The following ZFP14 variants were observed in gnomAD, a reference collection of about 807,000 sequenced individuals.
The protein encoded by ZFP14 is zinc finger protein 14 homolog.
ZFP14 carries 22 observed loss-of-function variants against 54.5 expected under a neutral mutation model. The observed-to-expected ratio is 0.40, with a 90% CI of 0.29 to 0.58. The LOEUF is 0.58. ZFP14 is among the 20% of genes least tolerant of loss of function. The pLI is 0.39. For synonymous variants in ZFP14, 159 were observed against 204.0 expected, an observed-to-expected ratio of 0.78 and a Z score of 1.88; for missense variants, 470 against 637.8, an observed-to-expected ratio of 0.74 and a Z score of 2.83.
intron 3 of ZFP14, among the ~76,000 whole-genome samples, chr19:36,361,529 C>G (rs992515712): frequency 2.0e-5 from 3 of 151,196 alleles, no homozygotes; most frequent in African/African-American, 7.3e-5. Flanking sequence ...CATGAGCCAC[C>G]ATGCCTGACC....
At chr19:36,362,924 A>G in intron 2 of ZFP14, 2 of 207,116 alleles carry the variant, frequency 9.7e-6, no homozygotes, top group South Asian at 1.1e-4. Context: ...AAACTTTCAA[A>G]AATTCGTTCG....
rs1341471878 is a variant in ZFP14, at chr19:36,335,452, CTATCTT to C, written c.*4766_*4771del. The stretch of plus-strand genomic sequence containing the variant: ...GTGGTCTAGAATTTGCTTTCAGAAA[CTATCTT>C]CATCTAATTTTTATTAGGATTATTT... On this transcript the variant is annotated 3_prime_UTR_variant, in exon 5 of 5. Transcript: ENST00000270001. 6.6e-6 allele frequency: 1 copy of C among 152,054 alleles called. No homozygotes were observed. The highest frequency in any genetic ancestry group is 1.5e-5 in the Non-Finnish European group (1 of 68,010). 9.4% of individuals were successfully genotyped at this position (152,054 alleles called of 1,614,324 possible).
At chr19:36,373,689 T>C (rs2031914010) in intron 1 of ZFP14, among the ~76,000 whole-genome samples, 1 of 151,944 alleles carries the variant, frequency 6.6e-6, no homozygotes, top group Non-Finnish European at 1.5e-5. Context: ...ATTTTAATAC[T>C]AAAGCTCGGT....
chr19:36,353,845 G>C (rs1488940494), intron 4 of ZFP14, among the ~76,000 whole-genome samples: 1 of 141,196 alleles, frequency 7.1e-6, no homozygotes, highest in African/African-American at 2.6e-5. Flanking sequence ...AGACTGAGGT[G>C]GGAGGATCGC....
At chr19:36,344,648 A>G (rs1252232931) in intron 4 of ZFP14, among the ~76,000 whole-genome samples, 1 of 152,168 alleles carries the variant, frequency 6.6e-6, no homozygotes, top group Non-Finnish European at 1.5e-5. Context: ...GTGAGCGAGC[A>G]TGACCGCCTG....
rs573746301 is a variant in ZFP14, at chr19:36,340,161, T to C, written c.*63A>G. Reference sequence around the variant, plus strand: ...TGCTTGGAATTGAGCATGAAACACATTTTCTCAAAAATGAATTTTCTGATG... The same window carrying C: ...TGCTTGGAATTGAGCATGAAACACACTTTCTCAAAAATGAATTTTCTGATG... On this transcript the variant is annotated 3_prime_UTR_variant, in exon 5 of 5. Transcript: ENST00000270001. The surrounding 1 kb of genome is among the most constrained non-coding windows in gnomAD (Gnocchi z 5.4). 2.9e-5 allele frequency: 42 copies of C among 1,453,950 alleles called. No homozygotes were observed. In the South Asian group the frequency reaches 6.3e-4, roughly 22 times the overall value. The allele number at this position is 1,453,950 out of a possible 1,614,324, so 90.1% of individuals were successfully genotyped here. A position where few individuals can be genotyped will look rare whatever the true frequency, so the allele number is the denominator to read the frequency against.
Position 36,340,634 on chromosome 19 carries a change from A to C in ZFP14, c.1192T>G (p.Cys398Gly), listed in dbSNP as rs774488167. The change falls in exon 5 of 5, where the codon TGT becomes GGT. Residue 398 changes from cysteine (C) to glycine (G), a missense_variant. By Grantham distance (159) the Cys-to-Gly change is radical. Transcript: ENST00000270001. This position sits in a 1 kb window ranked among gnomAD's most constrained non-coding sequence, Gnocchi z 5.4. Reference sequence around the variant, plus strand: ...CTAAAGGTCTTCCAACATTCCATACATTCATAGGGTTTCTCACGAGTATGT... The same window carrying C: ...CTAAAGGTCTTCCAACATTCCATACCTTCATAGGGTTTCTCACGAGTATGT... ...RIHTREKPYE[C>G]MECWKTFSSY... 6.2e-7 allele frequency: 1 copy of C among 1,613,980 alleles called. No homozygotes were observed.
At position 36,334,955 on chromosome 19, in the gene ZFP14, A is replaced by G. The variant is rs755556577; in HGVS notation, c.*5269T>C. On this transcript the variant is annotated 3_prime_UTR_variant, in exon 5 of 5. Transcript: ENST00000270001. The stretch of plus-strand genomic sequence containing the variant: ...AATGGCAAAATCTCAGCTCACTGCA[A>G]TCTCCATTTCCTGGGTTCAAGCAAT... 2.6e-5 allele frequency: 4 copies of G among 152,116 alleles called. No homozygotes were observed. Among genetic ancestry groups the G allele is most frequent in the East Asian group, 1.9e-4 (1 of 5,194 alleles). 9.4% of individuals were successfully genotyped at this position (152,116 alleles called of 1,614,324 possible). A position where few individuals can be genotyped will look rare whatever the true frequency, so the allele number is the denominator to read the frequency against.
At chr19:36,363,702 A>C (rs2031747821) in intron 2 of ZFP14, among the ~76,000 whole-genome samples, 1 of 151,890 alleles carries the variant, frequency 6.6e-6, no homozygotes, top group African/African-American at 2.4e-5. Context: ...AAATGTCAAT[A>C]GTTCAGGCCA....
chr19:36,378,248 G>A (rs2031994054), intron 1 of ZFP14: 1 of 152,264 alleles, frequency 6.6e-6, no homozygotes, highest in African/African-American at 2.4e-5. Flanking sequence ...ATGCAATCAT[G>A]AGTGTAATCA....
At position 36,352,133 on chromosome 19, in the gene ZFP14, G is replaced by C. The variant is rs548122562; in HGVS notation, c.235+8302C>G. Among the ~76,000 whole-genome samples the C allele has an allele frequency of 3.6e-5, 5 of 139,182 alleles. 1 individual carries two copies. The allele number at this position is 139,182 out of a possible 152,430, so 91.3% of individuals were successfully genotyped here. On this transcript the variant is annotated intron_variant, in intron 4 of 4. Coordinates refer to ENST00000270001, the MANE Select transcript of ZFP14 (RefSeq NM_020917.3). ...CGGGAGGCAGAGCTTGCAGCGAGCC[G>C]AGATCGTGCCACTGCACTCCATTCT...
At chr19:36,363,189 C>CTTTTTTTTTTTTTTTT (rs772799449) in intron 2 of ZFP14, among the ~76,000 whole-genome samples, 11 of 97,728 alleles carry the variant, frequency 1.1e-4, no homozygotes, top group Non-Finnish European at 1.6e-4. Context: ...CTTTTCTTTT[C>CTTTTTTTTTTTTTTTT]TTTTTTTTTT....
rs755463117 is a variant in ZFP14 at position 36,341,050 on chromosome 19, T to G, written c.776A>C (p.Lys259Thr). 6.2e-7 allele frequency: 1 copy of G among 1,614,116 alleles called. No individual in the cohort carries two copies. The highest frequency in any genetic ancestry group is 1.1e-5 in the South Asian group (1 of 91,082). Reference sequence around the variant, plus strand: ...TACTCTAAAGGCCTTTCCACATTCCTTACATTCATAGGGTTTTTCACCCGT... The same window carrying G: ...TACTCTAAAGGCCTTTCCACATTCCGTACATTCATAGGGTTTTTCACCCGT... ...LHTGEKPYECKECGKAFRVHQ... is the reference protein window; with the variant it reads ...LHTGEKPYECTECGKAFRVHQ... Residue 259 changes from lysine (K) to threonine (T), a missense_variant, in exon 5 of 5, where the codon AAG becomes ACG. Lys to Thr is a moderately conservative substitution (Grantham distance 78). Transcript: ENST00000270001. The surrounding 1 kb of genome is among the most constrained non-coding windows in gnomAD (Gnocchi z 4.2).
chr19:36,349,433 G>A (rs2145546118), intron 4 of ZFP14, among the ~76,000 whole-genome samples: 1 of 151,410 alleles, frequency 6.6e-6, no homozygotes, highest in South Asian at 2.1e-4. Flanking sequence ...GGGAGGCTGA[G>A]GTGGGTAGAT....
At chr19:36,356,182 C>T (rs2031610420) in intron 4 of ZFP14, among the ~76,000 whole-genome samples, 1 of 151,448 alleles carries the variant, frequency 6.6e-6, no homozygotes, top group Non-Finnish European at 1.5e-5. Context: ...TGCCTCTAAT[C>T]CTAGCACTTT....
At chr19:36,375,995 ATTTTT>A (rs891211382) in intron 1 of ZFP14, among the ~76,000 whole-genome samples, 1 of 147,524 alleles carries the variant, frequency 6.8e-6, no homozygotes, top group African/African-American at 2.5e-5. Flanking sequence ...GCCCGGCCAG[ATTTTT>A]TTTTTTAAGT....
intron 1 of ZFP14, among the ~76,000 whole-genome samples, chr19:36,371,694 C>T (rs2031878842): frequency 6.6e-6 from 1 of 152,120 alleles, no homozygotes; most frequent in Non-Finnish European, 1.5e-5. Flanking sequence ...CACAGAGGCT[C>T]ATGCCTATAA....
rs756080906 is a variant in ZFP14 at position 36,358,089 on chromosome 19, TATC to T, written c.235+2343_235+2345del. Among the ~76,000 whole-genome samples the T allele has an allele frequency of 1.9e-4, 25 of 130,496 alleles. No individual in the cohort carries two copies. In the East Asian group the frequency reaches 2.0e-3, roughly 11 times the overall value. The allele number at this position is 130,496 out of a possible 152,430, so 85.6% of individuals were successfully genotyped here. On this transcript the variant is annotated intron_variant, in intron 4 of 4. Transcript: ENST00000270001. ...CTATCTATCTATCTATCTATCTATC[TATC>T]ATCTATCTATCTATCTATCTATCTA...
At chr19:36,360,595 G>C in intron 3 of ZFP14, 62 bp from the exon 4 acceptor site, 1 of 1,479,450 alleles carries the variant, frequency 6.8e-7, no homozygotes, top group Non-Finnish European at 9.2e-7. Flanking sequence ...TTTAGATTTG[G>C]TTAAATTTAT....
Sources: gnomAD v4.1 joint callset for allele counts (sites outside exome capture counted in the v4.1 genomes callset) on GRCh38, gnomAD v4.1.1 for gene constraint, Gnocchi (gnomAD v3.1) non-coding constraint, MANE v1.5 for transcripts, NCBI Gene and HGNC (gene_info 2026-07-23, HGNC 2026-07-21) for gene names.